Variants in UBE2Z observed in about 807,000 individuals in gnomAD.
The protein encoded by UBE2Z is ubiquitin-conjugating enzyme E2 Z.
Under a neutral mutation model 32.6 loss-of-function variants are expected in UBE2Z, and 10 were observed. That is an observed-to-expected ratio of 0.31 (90% CI 0.19 to 0.52). The LOEUF is 0.52. UBE2Z is among the 20% of genes least tolerant of loss of function. The probability of loss-of-function intolerance (pLI) is 0.97; values close to 1 mark genes in which losing one functional copy is unlikely to be tolerated. For synonymous variants in UBE2Z, 183 were observed against 190.8 expected (o/e 0.96, Z 0.34); for missense variants, 343 against 480.9 (o/e 0.71, Z 2.68).
chr17:48,923,420 C>T (rs886259114), intron 6 of UBE2Z, among the ~76,000 whole-genome samples: 11 of 151,234 alleles, frequency 7.3e-5, no homozygotes, highest in African/African-American at 2.7e-4. Flanking sequence ...CACCTGAGGT[C>T]GGGAGTGTGA....
chr17:48,914,643 G>A (rs2040706881), intron 3 of UBE2Z, among the ~76,000 whole-genome samples: 1 of 152,240 alleles, frequency 6.6e-6, no homozygotes, highest in African/African-American at 2.4e-5. Context: ...ACCAGCCACA[G>A]GACAGTGGGG....
chr17:48,921,329 C>A, intron 5 of UBE2Z, 57 bp downstream of exon 5: 1 of 1,363,486 alleles, frequency 7.3e-7, no homozygotes, highest in Non-Finnish European at 1.0e-6. Flanking sequence ...TAGTTGGCAT[C>A]TTTGGGGCAG....
intron 4 of UBE2Z, among the ~76,000 whole-genome samples, chr17:48,917,274 C>T (rs1202344982): frequency 1.3e-5 from 2 of 152,090 alleles, no homozygotes; most frequent in African/African-American, 4.8e-5. Context: ...CATTGCATTC[C>T]AGCCTGAGCG....
chr17:48,910,781 C>A lies in UBE2Z; in HGVS notation c.318-27C>A, dbSNP rs751294506. ...CCTTTCCCCCTCTTCCTCACTCCTT[C>A]CCCCACCTCCTCTTGGTGTTATACA... On this transcript the variant is annotated intron_variant, in intron 1 of 6. Coordinates refer to ENST00000360943, the MANE Select transcript of UBE2Z (RefSeq NM_023079.5). 17 of 1,572,744 alleles carry A rather than the reference C, an allele frequency of 1.1e-5. No homozygotes were observed. In the South Asian group the frequency reaches 1.8e-4, roughly 16 times the overall value.
intron 4 of UBE2Z, among the ~76,000 whole-genome samples, chr17:48,920,789 T>C (rs1269126427): frequency 6.6e-6 from 1 of 152,166 alleles, no homozygotes; most frequent in African/African-American, 2.4e-5. Context: ...CTTGGCTTCC[T>C]GAGTAGCTGG....
Position 48,913,480 on chromosome 17 carries a change from A to G in UBE2Z, c.578+459A>G, listed in dbSNP as rs1450528855. ...AGCGATTCTCCTGCCTCAGTCTCCCAAGTAGCTGGGGCTACAGGCGTGCAC... is the reference window on the plus strand; with the variant it reads ...AGCGATTCTCCTGCCTCAGTCTCCCGAGTAGCTGGGGCTACAGGCGTGCAC... On this transcript the variant is annotated intron_variant, in intron 3 of 6. Transcript: ENST00000360943. 1.3e-5 allele frequency among the ~76,000 whole-genome samples: 2 copies of G among 152,148 alleles called. 1 individual carries two copies. The highest frequency in any genetic ancestry group is 2.9e-5 in the Non-Finnish European group (2 of 68,020).
intron 4 of UBE2Z, among the ~76,000 whole-genome samples, chr17:48,918,127 G>A (rs1022226281): frequency 2.0e-5 from 3 of 151,654 alleles, no homozygotes; most frequent in African/African-American, 7.3e-5. Context: ...TAGTAGAGAA[G>A]GGGTTTCACC....
At chr17:48,916,284 C>A (rs1036921214) in intron 4 of UBE2Z, 97 bp downstream of exon 4, 5 of 481,916 alleles carry the variant, frequency 1.0e-5, no homozygotes, top group Admixed American at 1.2e-4. Context: ...GAGACAGAGT[C>A]TTCCTCTGTC....
intron 2 of UBE2Z, 22 bp downstream of exon 2, chr17:48,910,902 TG>T (rs1277499588): frequency 1.3e-6 from 2 of 1,592,422 alleles, no homozygotes; most frequent in Non-Finnish European, 8.6e-7. Flanking sequence ...GATGGGGGTT[TG>T]GGGGGTTTTG....
intron 6 of UBE2Z, among the ~76,000 whole-genome samples, chr17:48,926,602 C>G (rs1313675863): frequency 6.6e-6 from 1 of 152,048 alleles, no homozygotes; most frequent in African/African-American, 2.4e-5. Context: ...CTGCCTCAGC[C>G]TCCCGAGTAG....
At chr17:48,920,665 T>C (rs2040752697) in intron 4 of UBE2Z, among the ~76,000 whole-genome samples, 1 of 151,768 alleles carries the variant, frequency 6.6e-6, no homozygotes. Context: ...GCCGCTGCAC[T>C]CCAGCCTGGG....
intron 6 of UBE2Z, among the ~76,000 whole-genome samples, chr17:48,925,412 G>A (rs1236920788): frequency 6.6e-6 from 1 of 152,144 alleles, no homozygotes; most frequent in Non-Finnish European, 1.5e-5. Flanking sequence ...AGGAGGAGAT[G>A]ACTTATGCCC....
At chr17:48,913,117 A>G in intron 3 of UBE2Z, 96 bp downstream of exon 3, 1 of 1,232,184 alleles carries the variant, frequency 8.1e-7, no homozygotes. Context: ...GAACTACAGA[A>G]CACAGAAAAT....
chr17:48,929,054 G>A lies in UBE2Z; in HGVS notation c.*1920G>A, dbSNP rs3179960. The A allele has an allele frequency of 1.3e-5, 2 of 152,560 alleles. No homozygotes were observed. The highest frequency in any genetic ancestry group is 2.9e-5 in the Non-Finnish European group (2 of 68,064). The allele number at this position is 152,560 out of a possible 1,614,324, so 9.5% of individuals were successfully genotyped here. On this transcript the variant is annotated 3_prime_UTR_variant, in exon 7 of 7. Transcript: ENST00000360943. ...TGGTGCAATAAAGTTTGTTTTGGCA[G>A]AAGGAGGAAGTGCCTGTGGGTGTGG...
At chr17:48,924,811 A>C (rs1240604926) in intron 6 of UBE2Z, among the ~76,000 whole-genome samples, 1 of 135,288 alleles carries the variant, frequency 7.4e-6, no homozygotes, top group East Asian at 2.3e-4. Context: ...GCACTACTGC[A>C]CTCCAGCCTG....
chr17:48,923,618 G>A (rs1223568877), intron 6 of UBE2Z, among the ~76,000 whole-genome samples: 1 of 86,556 alleles, frequency 1.2e-5, no homozygotes, highest in Non-Finnish European at 3.1e-5. Context: ...GCGAAACTCG[G>A]TCTCAAAAAA....
intron 5 of UBE2Z, 35 bp from the exon 6 acceptor site, chr17:48,922,812 G>A (rs1235595952): frequency 1.3e-6 from 2 of 1,575,502 alleles, no homozygotes. Flanking sequence ...TGTACCCCTG[G>A]GTTTCTCACT....
At position 48,927,380 on chromosome 17, in the gene UBE2Z, C is replaced by CT. The variant is rs2040805540; in HGVS notation, c.*249dup. 8.3e-6 allele frequency: 4 copies of CT among 484,654 alleles called. No individual in the cohort carries two copies. Among genetic ancestry groups the CT allele is most frequent in the Non-Finnish European group, 1.5e-5 (4 of 266,974 alleles). 30.0% of individuals were successfully genotyped at this position (484,654 alleles called of 1,614,324 possible). The stretch of plus-strand genomic sequence containing the variant: ...CATCCCGTATCAGGGGCCAAGGTAC[C>CT]TTTACAGGAGCACCTAGAGCGAGGG... On this transcript the variant is annotated 3_prime_UTR_variant, in exon 7 of 7. Transcript: ENST00000360943.
At chr17:48,912,676 G>T (rs2040688737) in intron 2 of UBE2Z, 158 bp from the exon 3 acceptor site, 1 of 723,188 alleles carries the variant, frequency 1.4e-6, no homozygotes, top group East Asian at 2.5e-5. Flanking sequence ...GTATTAGTAT[G>T]AGTGAATACA....
Sources: gnomAD v4.1 joint callset for allele counts (sites outside exome capture counted in the v4.1 genomes callset) on GRCh38, gnomAD v4.1.1 for gene constraint, MANE v1.5 for transcripts, NCBI Gene and HGNC (gene_info 2026-07-23, HGNC 2026-07-21) for gene names.